Variants in ZNF614 observed in about 807,000 individuals in gnomAD.
ZNF614 encodes the protein zinc finger protein 614.
ZNF614 carries 11 observed loss-of-function variants against 12.8 expected under a neutral mutation model. That is an observed-to-expected ratio of 0.86 (90% CI 0.54 to 1.43). The LOEUF is 1.43. ZNF614 is among the 40% of genes most tolerant of loss of function. ZNF614 has a pLI of 0.00. For missense variants in ZNF614, 664 were observed against 708.8 expected (o/e 0.94, Z 0.72); for synonymous variants, 237 against 237.5 (o/e 1.00, Z 0.02).
intron 1 of ZNF614, 97 bp from the exon 2 acceptor site, chr19:52,026,058 C>A (rs530736593): frequency 1.5e-4 from 41 of 274,156 alleles, no homozygotes; most frequent in African/African-American, 8.9e-4. Context: ...CCTAATATTT[C>A]TAACAGTTCC....
Position 52,016,850 on chromosome 19 carries a change from G to T in ZNF614, c.748C>A (p.Leu250Met). Residue 250 changes from leucine (L) to methionine (M), a missense_variant, in exon 5 of 5, where the codon CTG becomes ATG. Transcript: ENST00000270649. ...ATTTTGTCTGTTGTATTAGTTTTCA[G>T]ATGCTTAGTGAACAGGACACTTCTG... ...LSRSVLFTKH[L>M]KTNTTDKICI... The T allele has an allele frequency of 6.8e-6, 11 of 1,613,720 alleles. No individual in the cohort carries two copies. Among genetic ancestry groups the T allele is most frequent in the Non-Finnish European group, 9.3e-6 (11 of 1,180,012 alleles).
chr19:52,023,141 T>C (rs2086943294), intron 2 of ZNF614, among the ~76,000 whole-genome samples: 1 of 147,498 alleles, frequency 6.8e-6, no homozygotes, highest in African/African-American at 2.5e-5. Context: ...AGAGCGAGAC[T>C]CTGTCTCAAA....
chr19:52,017,090 G>A lies in ZNF614; in HGVS notation c.508C>T (p.His170Tyr). The change falls in exon 5 of 5, where the codon CAT becomes TAT. Residue 170 changes from histidine to tyrosine, a missense_variant. By Grantham distance (83) the His-to-Tyr change is moderately conservative (BLOSUM62 2). Coordinates refer to ENST00000270649, the MANE Select transcript of ZNF614 (RefSeq NM_025040.4). ...GGEKTLLHGK[H>Y]ERTHTKTRFS... The stretch of plus-strand genomic sequence containing the variant: ...CTAGTTTTAGTATGCGTACGTTCAT[G>A]CTTACCATGTAGAAGTGTTTTCTCA... The A allele has an allele frequency of 6.2e-7, 1 of 1,614,150 alleles. No homozygotes were observed. Among genetic ancestry groups the A allele is most frequent in the Non-Finnish European group, 8.5e-7 (1 of 1,180,032 alleles).
chr19:52,021,365 GA>G (rs371489005), intron 2 of ZNF614, among the ~76,000 whole-genome samples: 2,346 of 134,192 alleles, frequency 0.017, 55 homozygotes, highest in African/African-American at 0.057. Flanking sequence ...GAAAGTGTGA[GA>G]TTTTTTTTTT....
rs1459607123 is a variant in ZNF614, at chr19:52,016,609, A to T, written c.989T>A (p.Leu330His). 3 of 1,614,110 alleles carry T rather than the reference A, an allele frequency of 1.9e-6. No individual in the cohort carries two copies. In the South Asian group the frequency reaches 3.3e-5, roughly 18 times the overall value. Residue 330 changes from leucine (L) to histidine (H), a missense_variant, in exon 5 of 5, where the codon CTC becomes CAC. Coordinates refer to ENST00000270649, the MANE Select transcript of ZNF614 (RefSeq NM_025040.4). ...CGKGFTVKSN[L>H]IVHQRTHTGE... ...TGTATGAGTTCGCTGATGTACAATG[A>T]GATTGCTCTTCACAGTGAAACCTTT...
rs2086879336 is a variant in ZNF614 at position 52,013,585 on chromosome 19, CTTAT to C, written c.*2251_*2254del. ...TCTCTATCAATAAAAATTCATATAA[CTTAT>C]TTATATAAAATTTATAAAAACCATT... On this transcript the variant is annotated 3_prime_UTR_variant, in exon 5 of 5. Transcript: ENST00000270649. 6.6e-6 allele frequency: 1 copy of C among 151,954 alleles called. No individual in the cohort carries two copies. The highest frequency in any genetic ancestry group is 2.1e-4 in the South Asian group (1 of 4,822). 9.4% of individuals were successfully genotyped at this position (151,954 alleles called of 1,614,324 possible).
intron 2 of ZNF614, among the ~76,000 whole-genome samples, chr19:52,022,174 A>G (rs2123125056): frequency 6.6e-6 from 1 of 152,374 alleles, no homozygotes; most frequent in East Asian, 1.9e-4. Context: ...CAATTCTCCA[A>G]TTATCTAAAC....
chr19:52,017,107 G>GT lies in ZNF614; in HGVS notation c.490dup (p.Thr164AsnfsTer6). ...ACGTTCATGCTTACCATGTAGAAGT[G>GT]TTTTCTCACCTCCAATAAACTCAAC... On this transcript the variant is annotated frameshift_variant, in exon 5 of 5. Coordinates refer to ENST00000270649, the MANE Select transcript of ZNF614 (RefSeq NM_025040.4). LOFTEE classifies it low-confidence loss of function (END_TRUNC). 3.1e-6 allele frequency: 5 copies of GT among 1,614,154 alleles called. No individual in the cohort carries two copies. Among genetic ancestry groups the GT allele is most frequent in the Non-Finnish European group, 4.2e-6 (5 of 1,180,020 alleles).
intron 2 of ZNF614, among the ~76,000 whole-genome samples, chr19:52,023,078 C>CAAAAAA (rs1206640727): frequency 2.3e-5 from 1 of 43,298 alleles, no homozygotes; most frequent in African/African-American, 8.2e-5. Context: ...GACGCCATCT[C>CAAAAAA]AAAAAAAAAA....
At chr19:52,017,416 T>A (rs2086906418) in intron 4 of ZNF614, 57 bp from the exon 5 acceptor site, 2 of 1,502,868 alleles carry the variant, frequency 1.3e-6, no homozygotes, top group South Asian at 2.6e-5. Flanking sequence ...ATAAAAATGC[T>A]TATGAGGCCG....
In ZNF614 at chr19:52,014,465, C is replaced by G. The variant is rs187316080; in HGVS notation, c.*1375G>C. On this transcript the variant is annotated 3_prime_UTR_variant, in exon 5 of 5. Coordinates refer to ENST00000270649, the MANE Select transcript of ZNF614 (RefSeq NM_025040.4). ...TGCAGTTCTGAATGGTGATAAATTC[C>G]GAGTTCCCACTGCCCTACTCAGGTT... The G allele has an allele frequency of 6.6e-6, 1 of 152,152 alleles. No homozygotes were observed. The highest frequency in any genetic ancestry group is 1.5e-5 in the Non-Finnish European group (1 of 68,028). The allele number at this position is 152,152 out of a possible 1,614,324, so 9.4% of individuals were successfully genotyped here.
intron 2 of ZNF614, among the ~76,000 whole-genome samples, chr19:52,020,391 G>GA (rs2086925908): frequency 6.6e-6 from 1 of 152,174 alleles, no homozygotes; most frequent in Non-Finnish European, 1.5e-5. Context: ...TCAGCTAAAG[G>GA]AAAATATGCA....
chr19:52,020,531 G>C (rs1191827736), intron 2 of ZNF614, among the ~76,000 whole-genome samples: 1 of 152,186 alleles, frequency 6.6e-6, no homozygotes, highest in Admixed American at 6.5e-5. Flanking sequence ...CAGCCAGCGA[G>C]GCGCACCTAA....
At chr19:52,022,927 A>T (rs1019254231) in intron 2 of ZNF614, among the ~76,000 whole-genome samples, 5 of 151,724 alleles carry the variant, frequency 3.3e-5, no homozygotes, top group Non-Finnish European at 5.9e-5. Flanking sequence ...AAGAGTACAA[A>T]AAATTAGCCG....
At chr19:52,027,008 GGAACTCAGA>G in intron 1 of ZNF614, among the ~76,000 whole-genome samples, 1 of 152,284 alleles carries the variant, frequency 6.6e-6, no homozygotes, top group South Asian at 2.1e-4. Context: ...AAATACTGAG[GGAACTCAGA>G]GACCAGTGCC....
At chr19:52,018,706 T>C (rs2086916267) in intron 2 of ZNF614, among the ~76,000 whole-genome samples, 1 of 152,068 alleles carries the variant, frequency 6.6e-6, no homozygotes, top group Non-Finnish European at 1.5e-5. Context: ...AAATAAAACA[T>C]CCCTACATTA....
chr19:52,020,271 C>A (rs2086925155), intron 2 of ZNF614, among the ~76,000 whole-genome samples: 2 of 152,218 alleles, frequency 1.3e-5, no homozygotes, highest in African/African-American at 4.8e-5. Flanking sequence ...ATGTGTGGAG[C>A]TACCATGACT....
chr19:52,021,132 GACAA>G (rs201076050), intron 2 of ZNF614, among the ~76,000 whole-genome samples: 1,569 of 147,106 alleles, frequency 0.011, 27 homozygotes, highest in Admixed American at 0.038. Flanking sequence ...AGTGGGCTTT[GACAA>G]ACAGACAGGT....
At position 52,017,474 on chromosome 19, in the gene ZNF614, C is replaced by A. The variant is rs796925205; in HGVS notation, c.239-115G>T. On this transcript the variant is annotated intron_variant, in intron 4 of 4. Coordinates refer to ENST00000270649, the MANE Select transcript of ZNF614 (RefSeq NM_025040.4). ...ATCCCAGCACTTGGGGAGGCTGAGG[C>A]GGGCAGATCACGAGGTCAGGAGTTC... 10 of 945,618 alleles carry A rather than the reference C, an allele frequency of 1.1e-5. No individual in the cohort carries two copies. The African/African-American group carries it at 1.7e-4, about 16-fold the overall frequency. 58.6% of individuals were successfully genotyped at this position (945,618 alleles called of 1,614,324 possible).
Sources: gnomAD v4.1 joint callset for allele counts (sites outside exome capture counted in the v4.1 genomes callset) on GRCh38, gnomAD v4.1.1 for gene constraint, MANE v1.5 for transcripts, NCBI Gene and HGNC (gene_info 2026-07-23, HGNC 2026-07-21) for gene names.